Variants in POLR2M observed in about 807,000 individuals in gnomAD.
POLR2M encodes RNA polymerase II subunit M.
POLR2M carries 30 observed loss-of-function variants against 34.6 expected under a neutral mutation model. The observed-to-expected ratio is 0.87, with a 90% CI of 0.65 to 1.18. POLR2M has a LOEUF of 1.18. Among genes scored for constraint, POLR2M ranks in the 50% most tolerant of loss-of-function variants. POLR2M has a pLI of 0.00. For missense variants in POLR2M, 432 were observed against 448.7 expected (o/e 0.96, Z 0.34); for synonymous variants, 150 against 166.7 (o/e 0.90, Z 0.77).
chr15:57,708,241 G>C (rs2040571868), intron 1 of POLR2M, among the ~76,000 whole-genome samples: 1 of 152,152 alleles, frequency 6.6e-6, no homozygotes. Context: ...TTCTATTCTA[G>C]AACAATGATG....
Position 57,713,736 on chromosome 15 carries a change from T to C in POLR2M, c.964-800T>C, listed in dbSNP as rs568806210. ...CTTGATTTTCATTTTGCCATTGAAA[T>C]GTAATTCCCAAGTCTGGAAGTCATG... On this transcript the variant is annotated intron_variant, in intron 3 of 3. Transcript: ENST00000299638. 1.8e-4 allele frequency among the ~76,000 whole-genome samples: 28 copies of C among 151,786 alleles called. No homozygotes were observed. The South Asian group carries it at 2.7e-3, about 15-fold the overall frequency.
In POLR2M at chr15:57,706,850, C is replaced by T. The variant is rs1370188787; in HGVS notation, c.8C>T (p.Ser3Leu). The T allele has an allele frequency of 6.4e-7, 1 of 1,568,240 alleles. No homozygotes were observed. Among genetic ancestry groups the T allele is most frequent in the Non-Finnish European group, 8.7e-7 (1 of 1,155,880 alleles). MC[S>L]LPRGFEPQAP... is the part of the protein sequence containing the mutation. Reference sequence around the variant, plus strand: ...AGCCTCAGCCCGCGCAGAATGTGCTCGCTGCCCCGCGGCTTCGAGCCCCAA... The same window carrying T: ...AGCCTCAGCCCGCGCAGAATGTGCTTGCTGCCCCGCGGCTTCGAGCCCCAA... Residue 3 changes from serine (S) to leucine (L), a missense_variant, in exon 1 of 4, where the codon TCG becomes TTG. Physicochemically the swap from Ser to Leu is moderately radical, Grantham distance 145 (BLOSUM62 -2). Coordinates refer to ENST00000299638, the MANE Select transcript of POLR2M (RefSeq NM_015532.5).
Position 57,714,633 on chromosome 15 carries a change from G to T in POLR2M, c.1061G>T (p.Arg354Leu), listed in dbSNP as rs377736232. The T allele has an allele frequency of 2.5e-6, 4 of 1,612,420 alleles. No individual in the cohort carries two copies. Among genetic ancestry groups the T allele is most frequent in the Non-Finnish European group, 2.5e-6 (3 of 1,179,806 alleles). ...GAAGGGGAGTCTTCAGGGAGATACC[G>T]AGAAGTAAGGGATGAAGATGACGAT... The part of the protein sequence containing the change: ...NPEGESSGRY[R>L]EVRDEDDDWS... Residue 354 changes from arginine (R) to leucine (L), a missense_variant, in exon 4 of 4, where the codon CGA (arginine) becomes CTA (leucine). Arg to Leu is a moderately radical substitution (Grantham distance 102). Transcript: ENST00000299638.
intron 3 of POLR2M, among the ~76,000 whole-genome samples, chr15:57,714,025 A>G (rs984322980): frequency 2.0e-5 from 3 of 150,928 alleles, no homozygotes; most frequent in African/African-American, 4.9e-5. Flanking sequence ...TTTTTTGTAT[A>G]TTTAGTAGAG....
rs1255577772 is a variant in POLR2M, at chr15:57,716,156, A to G, written c.*1477A>G. On this transcript the variant is annotated 3_prime_UTR_variant, in exon 4 of 4. Transcript: ENST00000299638. The stretch of plus-strand genomic sequence containing the variant: ...CTTATTTTTCTATGCATAGTTATGC[A>G]TTTATATTCTCAAAAATGAAATCAT... 1 of 152,256 alleles carries G rather than the reference A, an allele frequency of 6.6e-6. No individual in the cohort carries two copies. The highest frequency in any genetic ancestry group is 2.4e-5 in the African/African-American group (1 of 41,472). The allele number at this position is 152,256 out of a possible 1,614,324, so 9.4% of individuals were successfully genotyped here.
rs2040959221 is a variant in POLR2M at position 57,716,697 on chromosome 15, GC to G, written c.*2019del. The G allele has an allele frequency of 1.3e-5, 2 of 152,204 alleles. No individual in the cohort carries two copies. The highest frequency in any genetic ancestry group is 4.8e-5 in the African/African-American group (2 of 41,440). 9.4% of individuals were successfully genotyped at this position (152,204 alleles called of 1,614,324 possible). On this transcript the variant is annotated 3_prime_UTR_variant, in exon 4 of 4. Transcript: ENST00000299638. ...CTCATTCATATTTTTTCTGTTGCTTGCTTGGAGAATTTGCTCTTTTTTTGGC... is the reference window on the plus strand; with the variant it reads ...CTCATTCATATTTTTTCTGTTGCTTGTTGGAGAATTTGCTCTTTTTTTGGC...
rs1440884939 is a variant in POLR2M at position 57,716,282 on chromosome 15, A to G, written c.*1603A>G. On this transcript the variant is annotated 3_prime_UTR_variant, in exon 4 of 4. Transcript: ENST00000299638. ...CTGTAGGATATTTTATTTCATGGGT[A>G]TACCATAACTTTAAGATTTATTTCC... The G allele has an allele frequency of 2.0e-5, 3 of 152,260 alleles. No homozygotes were observed. Among genetic ancestry groups the G allele is most frequent in the Admixed American group, 1.3e-4 (2 of 15,286 alleles). The allele number at this position is 152,260 out of a possible 1,614,324, so 9.4% of individuals were successfully genotyped here. A position where few individuals can be genotyped will look rare whatever the true frequency, so the allele number is the denominator to read the frequency against.
rs764956890 is a variant in POLR2M at position 57,712,010 on chromosome 15, C to T, written c.785C>T (p.Ser262Phe). 9 of 1,613,840 alleles carry T rather than the reference C, an allele frequency of 5.6e-6. No homozygotes were observed. The highest frequency in any genetic ancestry group is 5.9e-6 in the Non-Finnish European group (7 of 1,179,890). Residue 262 changes from serine to phenylalanine, a missense_variant, in exon 3 of 4, where the codon TCT becomes TTT. By Grantham distance (155) the Ser-to-Phe change is radical. Coordinates refer to ENST00000299638, the MANE Select transcript of POLR2M (RefSeq NM_015532.5). ...TTACCTTTTCGACAAAATGATTCATCTAGTCATTGCCAGAAGAGTGGGTCT... is the reference window on the plus strand; with the variant it reads ...TTACCTTTTCGACAAAATGATTCATTTAGTCATTGCCAGAAGAGTGGGTCT... ...NVLPFRQNDS[S>F]SHCQKSGSPI...
At chr15:57,712,768 G>GT (rs1288715645) in intron 3 of POLR2M, among the ~76,000 whole-genome samples, 1 of 152,178 alleles carries the variant, frequency 6.6e-6, no homozygotes, top group African/African-American at 2.4e-5. Flanking sequence ...GTTTCCATGT[G>GT]TTTTGCATTG....
rs758186666 is a variant in POLR2M, at chr15:57,712,089, C to T, written c.864C>T (p.Ile288=). The part of the protein sequence containing the change: ...RRRDKQHLDD[I]TAARLLPLHH... ...GGGATAAGCAGCATCTTGATGACAT[C>T]ACAGCAGCTCGGCTTCTACCACTTC... The change falls in exon 3 of 4, where the codon ATC becomes ATT. Residue 288 remains isoleucine, a synonymous_variant. Transcript: ENST00000299638. The T allele has an allele frequency of 3.1e-6, 5 of 1,613,980 alleles. No individual in the cohort carries two copies. The South Asian group carries it at 5.5e-5, about 18-fold the overall frequency.
In POLR2M at chr15:57,708,753, C is replaced by CTT; in HGVS notation, c.155_156dup (p.Asp53LeufsTer7). 1 of 1,604,536 alleles carries CTT rather than the reference C, an allele frequency of 6.2e-7. No homozygotes were observed. The highest frequency in any genetic ancestry group is 8.5e-7 in the Non-Finnish European group (1 of 1,177,198). On this transcript the variant is annotated frameshift_variant, in exon 2 of 4. Coordinates refer to ENST00000299638, the MANE Select transcript of POLR2M (RefSeq NM_015532.5). LOFTEE classifies it high-confidence loss of function. ...AATTGCCCGACAAAGGTAAAAAGAT[C>CTT]TTTGACTCTTTTGCCAAACTGAAAG...
rs2040737976 is a variant in POLR2M at position 57,711,967 on chromosome 15, A to G, written c.759-17A>G. 3 of 1,613,750 alleles carry G rather than the reference A, an allele frequency of 1.9e-6. No individual in the cohort carries two copies. Among genetic ancestry groups the G allele is most frequent in the Non-Finnish European group, 1.7e-6 (2 of 1,179,732 alleles). ...TAAAATAATCTGATTGTATAACACAAGTTTTCCTTTCATCAGGTTACCTTT... is the reference window on the plus strand; with the variant it reads ...TAAAATAATCTGATTGTATAACACAGGTTTTCCTTTCATCAGGTTACCTTT... On this transcript the variant is annotated splice_polypyrimidine_tract_variant and intron_variant, in intron 2 of 3. Coordinates refer to ENST00000299638, the MANE Select transcript of POLR2M (RefSeq NM_015532.5).
rs1426955785 is a variant in POLR2M at position 57,717,006 on chromosome 15, A to G, written c.*2327A>G. ...CAGTACAAGTTTGGGGTGAAAAGGAAATTTTTAATCCATCTCAAATGTATT... is the reference window on the plus strand; with the variant it reads ...CAGTACAAGTTTGGGGTGAAAAGGAGATTTTTAATCCATCTCAAATGTATT... On this transcript the variant is annotated 3_prime_UTR_variant, in exon 4 of 4. Coordinates refer to ENST00000299638, the MANE Select transcript of POLR2M (RefSeq NM_015532.5). 3 of 152,208 alleles carry G rather than the reference A, an allele frequency of 2.0e-5. No homozygotes were observed. The highest frequency in any genetic ancestry group is 7.2e-5 in the African/African-American group (3 of 41,456). 9.4% of individuals were successfully genotyped at this position (152,208 alleles called of 1,614,324 possible).
chr15:57,709,384 T>A lies in POLR2M; in HGVS notation c.758+26T>A, dbSNP rs755966605. 3.2e-6 allele frequency: 5 copies of A among 1,584,584 alleles called. No individual in the cohort carries two copies. In the South Asian group the frequency reaches 5.8e-5, roughly 18 times the overall value. ...GTAAGTACCCTCGGAAACAGGCCTG[T>A]AACAGGAACGTGATATTTGTTAAAC... On this transcript the variant is annotated intron_variant, in intron 2 of 3. Transcript: ENST00000299638.
chr15:57,715,683 C>G lies in POLR2M; in HGVS notation c.*1004C>G, dbSNP rs1400852609. On this transcript the variant is annotated 3_prime_UTR_variant, in exon 4 of 4. Coordinates refer to ENST00000299638, the MANE Select transcript of POLR2M (RefSeq NM_015532.5). Reference sequence around the variant, plus strand: ...AGCTTCAGTCCCATATATAAACGTTCATGTCATTTTAGAGGATTATATGGT... The same window carrying G: ...AGCTTCAGTCCCATATATAAACGTTGATGTCATTTTAGAGGATTATATGGT... 3 of 152,076 alleles carry G rather than the reference C, an allele frequency of 2.0e-5. No homozygotes were observed. The highest frequency in any genetic ancestry group is 7.2e-5 in the African/African-American group (3 of 41,406). The allele number at this position is 152,076 out of a possible 1,614,324, so 9.4% of individuals were successfully genotyped here.
At chr15:57,714,285 A>C (rs1397358594) in intron 3 of POLR2M, among the ~76,000 whole-genome samples, 1 of 152,110 alleles carries the variant, frequency 6.6e-6, no homozygotes, top group African/African-American at 2.4e-5. Context: ...TCTTATATAG[A>C]GGAGTGTATT....
chr15:57,711,903 A>G, intron 2 of POLR2M, 81 bp from the exon 3 acceptor site: 1 of 1,510,260 alleles, frequency 6.6e-7, no homozygotes, highest in African/African-American at 1.4e-5. Flanking sequence ...TTGCTAAGGT[A>G]AAGGCCATTT....
chr15:57,714,293 A>G (rs540693287), intron 3 of POLR2M, among the ~76,000 whole-genome samples: 25 of 152,060 alleles, frequency 1.6e-4, no homozygotes, highest in Non-Finnish European at 2.9e-4. Flanking sequence ...AGAGGAGTGT[A>G]TTTCAGTGCA....
At chr15:57,714,411 C>T in intron 3 of POLR2M, 125 bp from the exon 4 acceptor site, 1 of 1,506,694 alleles carries the variant, frequency 6.6e-7, no homozygotes, top group Non-Finnish European at 9.0e-7. Flanking sequence ...GCTTGTATTG[C>T]CCAAGGGAGC....
Sources: gnomAD v4.1 joint callset for allele counts (sites outside exome capture counted in the v4.1 genomes callset) on GRCh38, gnomAD v4.1.1 for gene constraint, MANE v1.5 for transcripts, NCBI Gene and HGNC (gene_info 2026-07-23, HGNC 2026-07-21) for gene names.